Variants in WSCD1 observed in about 807,000 individuals in gnomAD.
The protein encoded by WSCD1 is WSC domain sialate O sulfotransferase 1, also known as sialate:O-sulfotransferase 1.
In WSCD1, 41 loss-of-function variants were observed where a neutral mutation model predicts 60.4. That is an observed-to-expected ratio of 0.68 (90% CI 0.53 to 0.88). The LOEUF (loss-of-function observed/expected upper bound fraction) is 0.88, where lower values mean the gene tolerates loss of function less well. Among genes scored for constraint, WSCD1 ranks in the 40% least tolerant of loss-of-function variants. The pLI, the probability that WSCD1 is intolerant of heterozygous loss-of-function variation, is 0.00. For synonymous variants in WSCD1, 361 were observed against 332.5 expected (o/e 1.09, Z -0.93); for missense variants, 784 against 796.2 (o/e 0.98, Z 0.18).
At chr17:6,094,104 G>A (rs965273323) in intron 4 of WSCD1, among the ~76,000 whole-genome samples, 4 of 152,188 alleles carry the variant, frequency 2.6e-5, no homozygotes, top group African/African-American at 4.8e-5. Context: ...AGAGCATGGG[G>A]TAATAATCAG....
intron 8 of WSCD1, among the ~76,000 whole-genome samples, chr17:6,120,010 C>T (rs1224015765): frequency 6.6e-6 from 1 of 152,230 alleles, no homozygotes; most frequent in Admixed American, 6.5e-5. Context: ...AATCAAACCA[C>T]AAGATGCGTA....
rs1283823920 is a variant in WSCD1 at position 6,123,040 on chromosome 17, A to G, written c.*2379A>G. The G allele has an allele frequency of 6.6e-6, 1 of 152,232 alleles. No homozygotes were observed. Among genetic ancestry groups the G allele is most frequent in the Non-Finnish European group, 1.5e-5 (1 of 68,056 alleles). The allele number at this position is 152,232 out of a possible 1,614,324, so 9.4% of individuals were successfully genotyped here. A position where few individuals can be genotyped will look rare whatever the true frequency, so the allele number is the denominator to read the frequency against. On this transcript the variant is annotated 3_prime_UTR_variant, in exon 9 of 9. Coordinates refer to ENST00000317744, the MANE Select transcript of WSCD1 (RefSeq NM_015253.2). ...GTGGGAGATCTCATCAGAAACAGGA[A>G]CGGGGATCTGTCTGTGCTTGCAGGA...
At chr17:6,114,542 G>A (rs996727945) in intron 7 of WSCD1, among the ~76,000 whole-genome samples, 9 of 152,014 alleles carry the variant, frequency 5.9e-5, no homozygotes, top group Non-Finnish European at 8.8e-5. Context: ...TGTTTGAGGC[G>A]ATGGATATCC....
At position 6,088,104 on chromosome 17, in the gene WSCD1, G is replaced by A. The variant is rs371601948; in HGVS notation, c.542G>A (p.Arg181Gln). 2.2e-5 allele frequency: 36 copies of A among 1,613,524 alleles called. No homozygotes were observed. The highest frequency in any genetic ancestry group is 4.5e-5 in the East Asian group (2 of 44,886). Residue 181 changes from arginine to glutamine, a missense_variant and splice_region_variant, in exon 3 of 9, where the codon CGG (arginine) becomes CAG (glutamine). Coordinates refer to ENST00000317744, the MANE Select transcript of WSCD1 (RefSeq NM_015253.2). ...VSHCQDACAE[R>Q]SYVYAGLEAG... ...CACTGCCAGGATGCGTGTGCTGAGC[G>A]GTGAGTGCTGGGGCCCTGGACTGTT...
chr17:6,106,527 C>T lies in WSCD1; in HGVS notation c.850-3080C>T, dbSNP rs1911093162. On this transcript the variant is annotated intron_variant, in intron 5 of 8. Coordinates refer to ENST00000317744, the MANE Select transcript of WSCD1 (RefSeq NM_015253.2). ...CACAAAAAACATGTGCTGGGTGATT[C>T]TATTTATATGACATTCCAGTATAGA... is the stretch of plus-strand genomic sequence containing the variant. Among the ~76,000 whole-genome samples the T allele has an allele frequency of 2.6e-5, 4 of 152,282 alleles. No individual in the cohort carries two copies. In the Middle Eastern group the frequency reaches 0.01, roughly 388 times the overall value.
intron 5 of WSCD1, among the ~76,000 whole-genome samples, chr17:6,105,019 G>T (rs112034011): frequency 8.7e-4 from 132 of 152,340 alleles, no homozygotes; most frequent in Admixed American, 2.5e-3. Context: ...GGGCTGGTTT[G>T]TTACAGAGGT....
chr17:6,100,384 G>A (rs1236650725), intron 5 of WSCD1, among the ~76,000 whole-genome samples: 1 of 152,236 alleles, frequency 6.6e-6, no homozygotes, highest in Admixed American at 6.5e-5. Flanking sequence ...GGGATTTCAG[G>A]TAGGGCAAGA....
intron 5 of WSCD1, among the ~76,000 whole-genome samples, chr17:6,105,640 G>A (rs980712766): frequency 9.2e-5 from 14 of 152,286 alleles, no homozygotes; most frequent in Non-Finnish European, 1.6e-4. Flanking sequence ...GCAAACACCC[G>A]GAAACTTGAC....
In WSCD1 at chr17:6,110,853, C is replaced by T; in HGVS notation, c.1092C>T (p.Asn364=). 2 of 1,614,004 alleles carry T rather than the reference C, an allele frequency of 1.2e-6. No individual in the cohort carries two copies. Among genetic ancestry groups the T allele is most frequent in the Non-Finnish European group, 1.7e-6 (2 of 1,179,940 alleles). Residue 364 remains asparagine, a synonymous_variant, in exon 7 of 9, where the codon AAC becomes AAT. Coordinates refer to ENST00000317744, the MANE Select transcript of WSCD1 (RefSeq NM_015253.2). This position sits in a 1 kb window ranked among gnomAD's most constrained non-coding sequence, Gnocchi z 4.8. ...TGTCAAGCTTCCCAGGAGCCGGGAA[C>T]ACATGGGCACGGCACCTCATTGAGC... is the stretch of plus-strand genomic sequence containing the variant. ...VALSSFPGAG[N]TWARHLIEHA...
rs1194020042 is a variant in WSCD1 at position 6,075,325 on chromosome 17, CCA to C, written c.-289+4674_-289+4675del. On this transcript the variant is annotated intron_variant, in intron 1 of 8. Coordinates refer to ENST00000317744, the MANE Select transcript of WSCD1 (RefSeq NM_015253.2). This position sits in a 1 kb window ranked among gnomAD's most constrained non-coding sequence, Gnocchi z 4.1. ...GGAGGTTGAGTCATCTGACTGAACC[CCA>C]GTGGCCACTGGCTGCACCTGGGCCA... 6.6e-6 allele frequency among the ~76,000 whole-genome samples: 1 copy of C among 152,068 alleles called. No homozygotes were observed. Among genetic ancestry groups the C allele is most frequent in the African/African-American group, 2.4e-5 (1 of 41,382 alleles).
In WSCD1 at chr17:6,080,935, ACCCGGCCCCGG is replaced by A. The variant is rs774697350; in HGVS notation, c.287_297del (p.Arg96ProfsTer24). 4 of 1,577,616 alleles carry A rather than the reference ACCCGGCCCCGG, an allele frequency of 2.5e-6. No individual in the cohort carries two copies. The highest frequency in any genetic ancestry group is 1.1e-5 in the South Asian group (1 of 87,096). ...TGTGGACATGCTGCAGAGCCCCCTG[ACCCGGCCCCGG>A]CCCGGCCCCCGCTGGCTCCGGAGCC... On this transcript the variant is annotated frameshift_variant, in exon 2 of 9. Transcript: ENST00000317744. LOFTEE classifies it high-confidence loss of function. The surrounding 1 kb of genome is among the most constrained non-coding windows in gnomAD (Gnocchi z 6.6).
chr17:6,116,762 C>CTCACTGCA (rs1371358825), intron 7 of WSCD1, among the ~76,000 whole-genome samples: 1 of 152,228 alleles, frequency 6.6e-6, no homozygotes, highest in African/African-American at 2.4e-5. Context: ...GGCATCAAAG[C>CTCACTGCA]GTCCCTCAGT....
At position 6,118,145 on chromosome 17, in the gene WSCD1, C is replaced by G. The variant is rs1476948793; in HGVS notation, c.1332C>G (p.Ala444=). ...SLVAEFNRKC[A]GHLGYAADRN... Reference sequence around the variant, plus strand: ...TGGCAGAATTCAACAGAAAATGTGCCGGGCACCTGGGATATGCAGCTGACC... The same window carrying G: ...TGGCAGAATTCAACAGAAAATGTGCGGGGCACCTGGGATATGCAGCTGACC... The change falls in exon 8 of 9, where the codon GCC becomes GCG. Residue 444 remains alanine (A), a synonymous_variant. Transcript: ENST00000317744. This position sits in a 1 kb window ranked among gnomAD's most constrained non-coding sequence, Gnocchi z 5.8. 9 of 1,613,970 alleles carry G rather than the reference C, an allele frequency of 5.6e-6. No individual in the cohort carries two copies. Among genetic ancestry groups the G allele is most frequent in the Non-Finnish European group, 6.8e-6 (8 of 1,180,016 alleles).
chr17:6,110,108 C>T lies in WSCD1; in HGVS notation c.1009+342C>T, dbSNP rs143261207. Among the ~76,000 whole-genome samples, 359 of 152,216 alleles carry T rather than the reference C, an allele frequency of 2.4e-3. 2 individuals carry two copies. The highest frequency in any genetic ancestry group is 0.014 in the Middle Eastern group (4 of 294). On this transcript the variant is annotated intron_variant, in intron 6 of 8. Transcript: ENST00000317744. The surrounding 1 kb of genome is among the most constrained non-coding windows in gnomAD (Gnocchi z 4.8). ...TGGGAGGCGTGGGAAGAATGAGATC[C>T]CAGGAGCTGCAGGGGCCACTGGTGC...
chr17:6,091,040 GCCA>G (rs941857300), intron 4 of WSCD1, among the ~76,000 whole-genome samples: 4 of 152,090 alleles, frequency 2.6e-5, no homozygotes, highest in African/African-American at 9.7e-5. Flanking sequence ...ACAGGCACCT[GCCA>G]CCACACCCGG....
chr17:6,089,509 T>C (rs112713011), intron 3 of WSCD1, among the ~76,000 whole-genome samples: 3 of 152,202 alleles, frequency 2.0e-5, no homozygotes, highest in South Asian at 4.1e-4. Context: ...GAAATGGCTG[T>C]GGAGATGGGG....
At chr17:6,086,893 G>A (rs1448584648) in intron 2 of WSCD1, among the ~76,000 whole-genome samples, 7 of 152,186 alleles carry the variant, frequency 4.6e-5, no homozygotes, top group Non-Finnish European at 1.5e-5. Flanking sequence ...CCGCTTGGGA[G>A]CCACTGGCAG....
At chr17:6,094,506 G>C (rs1910260387) in intron 4 of WSCD1, among the ~76,000 whole-genome samples, 1 of 151,720 alleles carries the variant, frequency 6.6e-6, no homozygotes, top group African/African-American at 2.4e-5. Context: ...GAGGAATCTG[G>C]CACCTAGTAA....
At chr17:6,092,477 A>T (rs1023235376) in intron 4 of WSCD1, among the ~76,000 whole-genome samples, 3 of 152,154 alleles carry the variant, frequency 2.0e-5, no homozygotes, top group African/African-American at 7.2e-5. Context: ...TGACAGGTTC[A>T]CTAGTGACAC....
Sources: allele counts gnomAD v4.1 joint callset (sites outside exome capture counted in the v4.1 genomes callset), GRCh38; gene constraint gnomAD v4.1.1; non-coding constraint Gnocchi (gnomAD v3.1); transcripts MANE v1.5; gene names NCBI Gene and HGNC (gene_info 2026-07-23, HGNC 2026-07-21).